The following UTRN variants were observed in gnomAD, a reference collection of about 807,000 sequenced individuals.
UTRN encodes dystrophin-related protein 1.
A neutral mutation model predicts 463.9 loss-of-function variants in UTRN; 283 were observed. The ratio of observed to expected loss-of-function variants is 0.61; its 90% CI spans 0.55 to 0.67. The LOEUF (loss-of-function observed/expected upper bound fraction) is 0.67. UTRN is among the 30% of genes least tolerant of loss of function. The pLI is 0.00. For missense variants in UTRN, 3,922 were observed against 4,084.3 expected, an observed-to-expected ratio of 0.96 and a Z score of 1.08; for synonymous variants, 1,442 against 1,431.5, an observed-to-expected ratio of 1.01 and a Z score of -0.17.
rs532171612 is a variant in UTRN, at chr6:144,435,920, G to C, written c.856-15G>C. 4 of 1,612,382 alleles carry C rather than the reference G, an allele frequency of 2.5e-6. No homozygotes were observed. Among genetic ancestry groups the C allele is most frequent in the East Asian group, 4.5e-5 (2 of 44,858 alleles). On this transcript the variant is annotated splice_polypyrimidine_tract_variant and intron_variant, in intron 9 of 74. Transcript: ENST00000367545. ...TGATGATTAGTGTGGGTTTTTCTTG[G>C]CTTTGTTTTTACAGAGTACAGCGCC...
chr6:144,597,382 A>C (rs942261577), intron 51 of UTRN, among the ~76,000 whole-genome samples: 2 of 152,340 alleles, frequency 1.3e-5, no homozygotes, highest in African/African-American at 4.8e-5. Context: ...CATGCCTACT[A>C]TAAAAGTTTG....
chr6:144,852,882 G>GTAAT lies in UTRN; in HGVS notation c.*1886_*1889dup, dbSNP rs2128768133. 6.6e-6 allele frequency: 1 copy of GTAAT among 152,592 alleles called. No homozygotes were observed. The highest frequency in any genetic ancestry group is 2.1e-4 in the South Asian group (1 of 4,814). The allele number at this position is 152,592 out of a possible 1,614,324, so 9.5% of individuals were successfully genotyped here. On this transcript the variant is annotated 3_prime_UTR_variant, in exon 75 of 75. Transcript: ENST00000367545. ...AAAACACTACATTGTAACCTTCTAA[G>GTAAT]TAATAATAAATAAAAAGAAATATAT...
At chr6:144,681,910 G>A (rs749910971) in intron 52 of UTRN, among the ~76,000 whole-genome samples, 5 of 152,112 alleles carry the variant, frequency 3.3e-5, no homozygotes, top group Admixed American at 6.6e-5. Context: ...GTACAGGCAT[G>A]CATGCAATGC....
chr6:144,531,739 A>G (rs956348108), intron 42 of UTRN, among the ~76,000 whole-genome samples: 4 of 152,238 alleles, frequency 2.6e-5, no homozygotes, highest in African/African-American at 9.6e-5. Flanking sequence ...CGCAATTTCA[A>G]TTCTACCATT....
At chr6:144,513,530 C>T (rs1795356468) in intron 35 of UTRN, among the ~76,000 whole-genome samples, 1 of 151,784 alleles carries the variant, frequency 6.6e-6, no homozygotes, top group Non-Finnish European at 1.5e-5. Flanking sequence ...AGGCTGGTGA[C>T]AGAGCAAGAC....
intron 34 of UTRN, among the ~76,000 whole-genome samples, chr6:144,506,242 A>C (rs1794682047): frequency 6.6e-6 from 1 of 151,812 alleles, no homozygotes; most frequent in South Asian, 2.1e-4. Flanking sequence ...TTTTAATTGG[A>C]GCATTTAGCC....
intron 2 of UTRN, among the ~76,000 whole-genome samples, chr6:144,351,927 A>G (rs1015305044): frequency 1.3e-5 from 2 of 152,158 alleles, no homozygotes; most frequent in African/African-American, 4.8e-5. Flanking sequence ...CTCCTATCAC[A>G]CCGACACTGC....
chr6:144,457,794 GT>G (rs1435286619), intron 19 of UTRN, among the ~76,000 whole-genome samples: 19 of 152,172 alleles, frequency 1.2e-4, no homozygotes, highest in Admixed American at 1.1e-3. Context: ...TTATGCCTTT[GT>G]TTTTTAGTTC....
At chr6:144,685,264 T>G (rs1379698383) in intron 52 of UTRN, among the ~76,000 whole-genome samples, 3 of 152,234 alleles carry the variant, frequency 2.0e-5, no homozygotes, top group African/African-American at 7.2e-5. Flanking sequence ...CACATGTTCC[T>G]TATCCACTCA....
intron 51 of UTRN, among the ~76,000 whole-genome samples, chr6:144,606,691 A>G (rs1804882348): frequency 1.3e-5 from 2 of 152,242 alleles, no homozygotes; most frequent in Admixed American, 1.3e-4. Flanking sequence ...TTGATCTTAC[A>G]TAATTTAGAT....
chr6:144,582,408 A>G (rs1251428504), intron 51 of UTRN, among the ~76,000 whole-genome samples: 1 of 152,016 alleles, frequency 6.6e-6, no homozygotes. Context: ...ATAGTACTTT[A>G]CCCCAGTTGA....
chr6:144,744,450 T>C (rs1461408121), intron 54 of UTRN, among the ~76,000 whole-genome samples: 1 of 147,692 alleles, frequency 6.8e-6, no homozygotes, highest in African/African-American at 2.5e-5. Context: ...TTATGTATAA[T>C]ATATACATAA....
rs1374357113 is a variant in UTRN at position 144,573,601 on chromosome 6, CAGG to C, written c.7290-3495_7290-3493del. On this transcript the variant is annotated intron_variant, in intron 50 of 74. Coordinates refer to ENST00000367545, the MANE Select transcript of UTRN (RefSeq NM_007124.3). Reference sequence around the variant, plus strand: ...ATCCCAACTACTTGGGAGGCTGAGGCAGGAGAATTACTTGAACTTGGGAGGTAG... The same window carrying C: ...ATCCCAACTACTTGGGAGGCTGAGGCAGAATTACTTGAACTTGGGAGGTAG... 2.0e-5 allele frequency among the ~76,000 whole-genome samples: 3 copies of C among 151,996 alleles called. No homozygotes were observed. The East Asian group carries it at 5.8e-4, about 29-fold the overall frequency.
chr6:144,415,766 G>A (rs896795260), intron 3 of UTRN, among the ~76,000 whole-genome samples: 7 of 152,102 alleles, frequency 4.6e-5, no homozygotes, highest in Non-Finnish European at 8.8e-5. Flanking sequence ...TGGCTCTTAC[G>A]TAGAAGCAAA....
chr6:144,728,578 C>A (rs1788169157), intron 53 of UTRN, among the ~76,000 whole-genome samples: 1 of 151,136 alleles, frequency 6.6e-6, no homozygotes, highest in African/African-American at 2.4e-5. Flanking sequence ...CCCGCCCCCA[C>A]CCACCAACAT....
At chr6:144,726,057 G>A (rs1235015146) in intron 53 of UTRN, among the ~76,000 whole-genome samples, 1 of 151,922 alleles carries the variant, frequency 6.6e-6, no homozygotes, top group Non-Finnish European at 1.5e-5. Context: ...TCTGAAGCAC[G>A]GAGTTTAATG....
chr6:144,600,046 C>T (rs941194347), intron 51 of UTRN, among the ~76,000 whole-genome samples: 16 of 152,108 alleles, frequency 1.1e-4, no homozygotes, highest in Non-Finnish European at 2.9e-5. Flanking sequence ...TTGTTTTGGG[C>T]ACCTCAAGCC....
chr6:144,363,428 G>A (rs3811097), intron 2 of UTRN, among the ~76,000 whole-genome samples: 3,981 of 152,218 alleles, frequency 0.026, 153 homozygotes, highest in East Asian at 0.15. Context: ...TGGCCTGGTC[G>A]GACCTGTTTC....
At chr6:144,724,908 A>C (rs918991597) in intron 53 of UTRN, among the ~76,000 whole-genome samples, 2 of 152,114 alleles carry the variant, frequency 1.3e-5, no homozygotes, top group Non-Finnish European at 2.9e-5. Flanking sequence ...TTCATGTATG[A>C]GTGTTTATGT....
Sources: gnomAD v4.1 joint callset for allele counts (sites outside exome capture counted in the v4.1 genomes callset) on GRCh38, gnomAD v4.1.1 for gene constraint, MANE v1.5 for transcripts, NCBI Gene and HGNC (gene_info 2026-07-23, HGNC 2026-07-21) for gene names.